MYH13: variants seen among roughly 807,000 people sequenced by gnomAD.
The protein encoded by MYH13 is myosin heavy chain 13.
Under a neutral mutation model 232.1 loss-of-function variants are expected in MYH13, and 177 were observed. The ratio of observed to expected loss-of-function variants is 0.76; its 90% CI spans 0.67 to 0.86. The LOEUF is 0.86. MYH13 is among the 40% of genes least tolerant of loss of function. MYH13 has a pLI of 0.00. For synonymous variants in MYH13, 884 were observed against 923.5 expected (o/e 0.96, Z 0.78); for missense variants, 2,246 against 2,405.9 (o/e 0.93, Z 1.39).
intron 18 of MYH13, 77 bp from the exon 19 acceptor site, chr17:10,333,268 T>C: frequency 5.2e-6 from 5 of 952,632 alleles, no homozygotes; most frequent in Non-Finnish European, 8.1e-6. Flanking sequence ...CATGAGACCC[T>C]CCAACACATC....
Position 10,320,450 on chromosome 17 carries a change from T to C in MYH13, c.3158A>G (p.Glu1053Gly), listed in dbSNP as rs1205108475. The change falls in exon 25 of 41, where the codon GAA becomes GGA. Residue 1053 changes from glutamate (E) to glycine (G), a missense_variant. By Grantham distance (98) the Glu-to-Gly change is moderately conservative (BLOSUM62 -2). Coordinates refer to ENST00000252172, the MANE Select transcript of MYH13 (RefSeq NM_003802.3). ...TCCTTCCAGCTTCCTCTTCGCCCTT[T>C]CCAAGTCCGCCCGCAGTTTCTTCTC... is the stretch of plus-strand genomic sequence containing the variant. ...EQEKKLRADL[E>G]RAKRKLEGDL... The C allele has an allele frequency of 6.2e-7, 1 of 1,613,460 alleles. No individual in the cohort carries two copies. The highest frequency in any genetic ancestry group is 1.3e-5 in the African/African-American group (1 of 74,936).
chr17:10,348,801 C>T (rs1211778539), intron 12 of MYH13, among the ~76,000 whole-genome samples: 1 of 152,078 alleles, frequency 6.6e-6, no homozygotes, highest in African/African-American at 2.4e-5. Flanking sequence ...GCTTCCGTGG[C>T]CTGCCATATA....
In MYH13 at chr17:10,333,040, AAGGAGAGAGATGCAC is replaced by A; in HGVS notation, c.2174+19_2174+33del. On this transcript the variant is annotated intron_variant, in intron 19 of 40. Transcript: ENST00000252172. ...AGGGAAATGCAAAAGGTGCCCTCGG[AAGGAGAGAGATGCAC>A]AGGAGAGAGGGAACCTACCGCTGCT... 1 of 1,471,316 alleles carries A rather than the reference AAGGAGAGAGATGCAC, an allele frequency of 6.8e-7. No homozygotes were observed. The highest frequency in any genetic ancestry group is 9.3e-7 in the Non-Finnish European group (1 of 1,073,898). 91.1% of individuals were successfully genotyped at this position (1,471,316 alleles called of 1,614,324 possible).
chr17:10,350,466 T>G, intron 12 of MYH13, 90 bp downstream of exon 12: 1 of 1,517,338 alleles, frequency 6.6e-7, no homozygotes, highest in Non-Finnish European at 8.9e-7. Flanking sequence ...GAAGAACAGC[T>G]CTTGAAATGA....
chr17:10,301,040 A>C (rs1435314432), intron 40 of MYH13, 75 bp from the exon 41 acceptor site: 11 of 1,344,890 alleles, frequency 8.2e-6, no homozygotes, highest in Non-Finnish European at 1.2e-5. Context: ...CTTGAAGTGA[A>C]GCAGCTGGAA....
At chr17:10,346,602 T>C in intron 13 of MYH13, 78 bp downstream of exon 13, 1 of 1,133,320 alleles carries the variant, frequency 8.8e-7, no homozygotes, top group Non-Finnish European at 1.3e-6. Flanking sequence ...TTCTGATACC[T>C]GCAACTGAAG....
At chr17:10,323,787 A>AAAAG (rs1907083494) in intron 23 of MYH13, among the ~76,000 whole-genome samples, 13 of 66,704 alleles carry the variant, frequency 1.9e-4, no homozygotes, top group Non-Finnish European at 2.8e-4. Flanking sequence ...AAAAAAAAAA[A>AAAAG]AAGAAGAAGA....
intron 1 of MYH13, among the ~76,000 whole-genome samples, chr17:10,372,475 G>A (rs2071884330): frequency 6.6e-6 from 1 of 152,218 alleles, no homozygotes; most frequent in Non-Finnish European, 1.5e-5. Flanking sequence ...TGTGAGAACA[G>A]TCTGCAAACC....
intron 26 of MYH13, 40 bp from the exon 27 acceptor site, chr17:10,319,219 G>C (rs762353206): frequency 2.5e-6 from 4 of 1,585,400 alleles, no homozygotes; most frequent in Non-Finnish European, 3.4e-6. Context: ...TTGTGGAGGA[G>C]GGGGCAGCCC....
intron 2 of MYH13, 43 bp from the exon 3 acceptor site, chr17:10,364,585 C>G (rs2071819161): frequency 7.3e-6 from 11 of 1,499,440 alleles, no homozygotes; most frequent in Middle Eastern, 1.9e-4. Flanking sequence ...GCTTGGGTGA[C>G]TGCTGAAGCT....
chr17:10,321,757 G>A (rs1421507711), intron 23 of MYH13, 49 bp from the exon 24 acceptor site: 11 of 1,506,712 alleles, frequency 7.3e-6, no homozygotes, highest in South Asian at 1.2e-5. Flanking sequence ...TATGCCAGAA[G>A]CTTCCATCAA....
At chr17:10,310,389 G>A (rs1014111656) in intron 33 of MYH13, among the ~76,000 whole-genome samples, 2 of 152,014 alleles carry the variant, frequency 1.3e-5, no homozygotes, top group Admixed American at 6.6e-5. Context: ...CACCATGCCC[G>A]GCTGCAAATA....
At chr17:10,321,115 T>G (rs921522389) in intron 24 of MYH13, among the ~76,000 whole-genome samples, 5 of 152,032 alleles carry the variant, frequency 3.3e-5, no homozygotes, top group Non-Finnish European at 5.9e-5. Context: ...GGGGCAGAAA[T>G]AGTAATTTTC....
rs774254848 is a variant in MYH13, at chr17:10,319,074, C to T, written c.3454G>A (p.Glu1152Lys). 20 of 1,614,086 alleles carry T rather than the reference C, an allele frequency of 1.2e-5. No homozygotes were observed. Among genetic ancestry groups the T allele is most frequent in the South Asian group, 3.3e-5 (3 of 91,088 alleles). ...GCCCCACTGGCTTCTTCCAGCCTCT[C>T]GCTGATCTCCTCCAGTTCCCTGGCC... ...DLARELEEIS[E>K]RLEEASGATS... The change falls in exon 27 of 41, where the codon GAG (glutamate) becomes AAG (lysine). Residue 1152 changes from glutamate to lysine, a missense_variant. Physicochemically the swap from Glu to Lys is moderately conservative, Grantham distance 56 (BLOSUM62 1). Transcript: ENST00000252172.
chr17:10,340,327 C>T lies in MYH13; in HGVS notation c.1968+1G>A, dbSNP rs765252110. The T allele has an allele frequency of 3.1e-6, 5 of 1,613,918 alleles. No individual in the cohort carries two copies. ...AATATGGAAGCTGCCAAAACACCAA[C>T]CCTGAACACGGCCGACACGGTCTGG... On this transcript the variant is annotated splice_donor_variant, in intron 17 of 40. Transcript: ENST00000252172. LOFTEE classifies it high-confidence loss of function.
chr17:10,314,619 G>A (rs553850044), intron 29 of MYH13, among the ~76,000 whole-genome samples: 49 of 152,102 alleles, frequency 3.2e-4, no homozygotes, highest in Non-Finnish European at 5.9e-4. Flanking sequence ...CAAATATGGC[G>A]CTTGTCCTTT....
At chr17:10,365,988 GT>G (rs2071833793) in intron 2 of MYH13, among the ~76,000 whole-genome samples, 1 of 151,718 alleles carries the variant, frequency 6.6e-6, no homozygotes, top group Non-Finnish European at 1.5e-5. Context: ...TTCTCTTTAT[GT>G]ATTTTTTCCT....
At chr17:10,354,627 T>C (rs2071734270) in intron 11 of MYH13, 53 bp downstream of exon 11, 7 of 1,520,270 alleles carry the variant, frequency 4.6e-6, no homozygotes, top group Non-Finnish European at 6.4e-6. Flanking sequence ...TGTCTCTCAG[T>C]TCATAAACTC....
chr17:10,359,923 T>C lies in MYH13; in HGVS notation c.645+37A>G, dbSNP rs760002533. 4.5e-6 allele frequency: 7 copies of C among 1,559,080 alleles called. No homozygotes were observed. In the African/African-American group the frequency reaches 6.8e-5, roughly 15 times the overall value. ...TCATCCACGCTTTAAAGTATACTTA[T>C]TCCAGTAAGCCTCCGGATGCAGGTG... On this transcript the variant is annotated intron_variant, in intron 7 of 40. Coordinates refer to ENST00000252172, the MANE Select transcript of MYH13 (RefSeq NM_003802.3).
Sources: allele counts gnomAD v4.1 joint callset (sites outside exome capture counted in the v4.1 genomes callset), GRCh38; gene constraint gnomAD v4.1.1; transcripts MANE v1.5; gene names NCBI Gene and HGNC (gene_info 2026-07-23, HGNC 2026-07-21).